Variants in CNTN1 observed in about 807,000 individuals in gnomAD.
The protein encoded by CNTN1 is contactin-1.
A neutral mutation model predicts 126.4 loss-of-function variants in CNTN1; 38 were observed. The ratio of observed to expected loss-of-function variants is 0.30; its 90% CI spans 0.23 to 0.39. The LOEUF (loss-of-function observed/expected upper bound fraction) is 0.39, where lower values mean the gene tolerates loss of function less well. Ranked by LOEUF, CNTN1 falls within the 10% of genes least tolerant of loss-of-function variation. CNTN1 has a pLI of 1.00. For missense variants in CNTN1, 1,009 were observed against 1,248.4 expected (o/e 0.81, Z 2.89); for synonymous variants, 413 against 422.6 (o/e 0.98, Z 0.28).
At chr12:41,029,758 A>C (rs949349600) in intron 23 of CNTN1, among the ~76,000 whole-genome samples, 1 of 152,122 alleles carries the variant, frequency 6.6e-6, no homozygotes, top group Admixed American at 6.5e-5. Context: ...TGGACTATAG[A>C]TATTGATATA....
Position 40,959,570 on chromosome 12 carries a change from T to C in CNTN1, c.1804+336T>C, listed in dbSNP as rs530777869. Among the ~76,000 whole-genome samples the C allele has an allele frequency of 1.1e-3, 163 of 152,230 alleles. 1 individual carries two copies. The highest frequency in any genetic ancestry group is 2.2e-3 in the Non-Finnish European group (149 of 68,002). The stretch of plus-strand genomic sequence containing the variant: ...TTGTGTATAGTGCTGTTTCCTTTTT[T>C]ATTTCTATGGAAAAGATATATACTG... On this transcript the variant is annotated intron_variant, in intron 15 of 23. Transcript: ENST00000551295.
chr12:40,785,201 A>G (rs1307468142), intron 1 of CNTN1, among the ~76,000 whole-genome samples: 1 of 152,136 alleles, frequency 6.6e-6, no homozygotes, highest in Non-Finnish European at 1.5e-5. Flanking sequence ...TTGCATCACT[A>G]TGAAGAAACA....
At chr12:41,066,157 C>A (rs1397215155) in intron 23 of CNTN1, among the ~76,000 whole-genome samples, 1 of 152,118 alleles carries the variant, frequency 6.6e-6, no homozygotes, top group African/African-American at 2.4e-5. Flanking sequence ...GACTCCTGGA[C>A]TGAGTAGTAA....
At chr12:40,751,065 T>C (rs12367708) in intron 1 of CNTN1, among the ~76,000 whole-genome samples, 1 of 151,870 alleles carries the variant, frequency 6.6e-6, no homozygotes, top group African/African-American at 2.4e-5. Context: ...CAAACAGCAA[T>C]GGCAATGACA....
At chr12:40,735,652 A>G (rs1937638777) in intron 1 of CNTN1, among the ~76,000 whole-genome samples, 1 of 152,134 alleles carries the variant, frequency 6.6e-6, no homozygotes, top group Non-Finnish European at 1.5e-5. Flanking sequence ...TTTGACAAAA[A>G]TAGGGATATC....
chr12:40,741,791 A>T (rs570574597), intron 1 of CNTN1, among the ~76,000 whole-genome samples: 2 of 152,194 alleles, frequency 1.3e-5, no homozygotes, highest in South Asian at 4.1e-4. Context: ...TTTGTGATGG[A>T]TATTTACAAA....
intron 1 of CNTN1, among the ~76,000 whole-genome samples, chr12:40,756,390 C>T (rs1023301574): frequency 3.9e-5 from 6 of 151,980 alleles, no homozygotes; most frequent in Non-Finnish European, 7.4e-5. Context: ...GCTGCAGTGG[C>T]ATGGATGACA....
At chr12:40,853,420 C>T (rs182000350) in intron 1 of CNTN1, among the ~76,000 whole-genome samples, 14 of 152,092 alleles carry the variant, frequency 9.2e-5, no homozygotes, top group African/African-American at 3.4e-4. Flanking sequence ...TGAACCTTGC[C>T]CACATGAGAA....
At chr12:41,008,476 G>A (rs278901) in intron 17 of CNTN1, among the ~76,000 whole-genome samples, 19,121 of 152,014 alleles carry the variant, frequency 0.13, 2,406 homozygotes, top group African/African-American at 0.32. Context: ...TCTGGTCTAG[G>A]TCATCTTTTT....
rs115420270 is a variant in CNTN1, at chr12:40,848,414, G to A, written c.-76-59943G>A. On this transcript the variant is annotated intron_variant, in intron 1 of 23. Transcript: ENST00000551295. ...TACCTCATTTATTATTGTGTTGAAA[G>A]CTTTATTGACTATGTAAGCTGTCAC... Among the ~76,000 whole-genome samples the A allele has an allele frequency of 5.5e-3, 844 of 152,142 alleles. 5 individuals are homozygous for A. Among genetic ancestry groups the A allele is most frequent in the African/African-American group, 0.019 (796 of 41,538 alleles).
rs911599784 is a variant in CNTN1 at position 40,911,143 on chromosome 12, C to G, written c.94+1038C>G. The stretch of plus-strand genomic sequence containing the variant: ...TCACCCAGGCTGGAGTGCAGCGGCG[C>G]GATCTCGGCTCACTGCAAGCTCCAC... On this transcript the variant is annotated intron_variant, in intron 3 of 23. Transcript: ENST00000551295. Among the ~76,000 whole-genome samples, 11 of 151,956 alleles carry G rather than the reference C, an allele frequency of 7.2e-5. No individual in the cohort carries two copies. In the South Asian group the frequency reaches 1.9e-3, roughly 26 times the overall value.
intron 1 of CNTN1, among the ~76,000 whole-genome samples, chr12:40,883,598 T>G (rs1277295453): frequency 1.3e-5 from 2 of 151,568 alleles, no homozygotes; most frequent in Non-Finnish European, 3.0e-5. Context: ...GTTTAAAGAA[T>G]GTTGCTAGGA....
chr12:41,056,376 T>C (rs1949801630), intron 23 of CNTN1, among the ~76,000 whole-genome samples: 1 of 152,166 alleles, frequency 6.6e-6, no homozygotes, highest in Non-Finnish European at 1.5e-5. Context: ...TCAAATGATT[T>C]AGTTCTAACA....
chr12:40,914,694 G>A (rs1168294287), intron 3 of CNTN1, among the ~76,000 whole-genome samples: 2 of 152,022 alleles, frequency 1.3e-5, no homozygotes, highest in Non-Finnish European at 2.9e-5. Context: ...TTGGAGATTC[G>A]CTTCTTATTT....
At chr12:40,729,175 C>G (rs368302396) in intron 1 of CNTN1, 1 of 209,042 alleles carries the variant, frequency 4.8e-6, no homozygotes, top group African/African-American at 2.3e-5. Flanking sequence ...AGATACTTCT[C>G]AAGTTAAATT....
chr12:40,768,673 T>C (rs190803646), intron 1 of CNTN1, among the ~76,000 whole-genome samples: 3 of 152,330 alleles, frequency 2.0e-5, no homozygotes, highest in Non-Finnish European at 4.4e-5. Context: ...AGAATTAGCA[T>C]TCTTTCTGGC....
rs1950131848 is a variant in CNTN1, at chr12:41,070,090, TG to T, written c.*58del. On this transcript the variant is annotated 3_prime_UTR_variant, in exon 24 of 24. Coordinates refer to ENST00000551295, the MANE Select transcript of CNTN1 (RefSeq NM_001843.4). The stretch of plus-strand genomic sequence containing the variant: ...CAGCTCAGAAGACACCCTTCAACCC[TG>T]GGATGACCACAATTCCTTCCAATTT... 1.4e-6 allele frequency: 2 copies of T among 1,473,464 alleles called. No individual in the cohort carries two copies. The highest frequency in any genetic ancestry group is 3.3e-5 in the Admixed American group (2 of 59,760). The allele number at this position is 1,473,464 out of a possible 1,614,324, so 91.3% of individuals were successfully genotyped here.
intron 8 of CNTN1, 65 bp from the exon 9 acceptor site, chr12:40,933,632 T>C: frequency 6.5e-7 from 1 of 1,529,238 alleles, no homozygotes. Flanking sequence ...ATTGTTTAGC[T>C]ATAAACATAA....
chr12:40,707,685 A>AT (rs952188055), intron 1 of CNTN1, among the ~76,000 whole-genome samples: 3 of 151,782 alleles, frequency 2.0e-5, no homozygotes, highest in East Asian at 1.9e-4. Flanking sequence ...TTGTCCAGAT[A>AT]TTTTTTTTGA....
Sources: allele counts gnomAD v4.1 joint callset (sites outside exome capture counted in the v4.1 genomes callset), GRCh38; gene constraint gnomAD v4.1.1; transcripts MANE v1.5; gene names NCBI Gene and HGNC (gene_info 2026-07-23, HGNC 2026-07-21).